Variants in MBNL1 observed in about 807,000 individuals in gnomAD.
MBNL1 encodes muscleblind-like protein 1.
MBNL1 carries 8 observed loss-of-function variants against 42.2 expected under a neutral mutation model. The ratio of observed to expected loss-of-function variants is 0.19; its 90% CI spans 0.11 to 0.34. The LOEUF is 0.34. Among genes scored for constraint, MBNL1 ranks in the 10% least tolerant of loss-of-function variants. MBNL1 has a pLI of 1.00. For synonymous variants in MBNL1, 169 were observed against 173.9 expected (o/e 0.97, Z 0.22); for missense variants, 309 against 495.3 (o/e 0.62, Z 3.57).
At chr3:152,314,982 CCCA>C (rs2069762839) in intron 2 of MBNL1, among the ~76,000 whole-genome samples, 3 of 152,098 alleles carry the variant, frequency 2.0e-5, no homozygotes. Flanking sequence ...TTGATTATTG[CCCA>C]TTCTGTTCTG....
chr3:152,266,521 T>C (rs1201208589), upstream of MBNL1: 1 of 152,238 alleles, frequency 6.6e-6, no homozygotes, highest in African/African-American at 2.4e-5. Flanking sequence ...TAACTTGGAA[T>C]TCTACAAGGG....
chr3:152,440,298 C>T (rs1026586181), intron 4 of MBNL1, among the ~76,000 whole-genome samples: 4 of 152,134 alleles, frequency 2.6e-5, no homozygotes, highest in East Asian at 1.9e-4. Flanking sequence ...TCCATTTTCA[C>T]GCTGCTGATA....
intron 9 of MBNL1, among the ~76,000 whole-genome samples, chr3:152,461,962 A>C (rs899024215): frequency 6.6e-6 from 1 of 152,172 alleles, no homozygotes; most frequent in Admixed American, 6.6e-5. Context: ...AAAAAGAATA[A>C]ATCTTGTTTA....
chr3:152,441,492 C>T (rs141458811), intron 4 of MBNL1, among the ~76,000 whole-genome samples: 50 of 152,270 alleles, frequency 3.3e-4, no homozygotes, highest in African/African-American at 1.2e-3. Flanking sequence ...TTTTTGACTC[C>T]AAACCCTATT....
intron 2 of MBNL1, among the ~76,000 whole-genome samples, chr3:152,390,131 G>A (rs559826033): frequency 6.7e-6 from 1 of 149,362 alleles, no homozygotes; most frequent in Non-Finnish European, 1.5e-5. Flanking sequence ...GCCTCCCAAA[G>A]AACTTTTTTA....
At chr3:152,314,616 C>A (rs917785712) in intron 2 of MBNL1, among the ~76,000 whole-genome samples, 3 of 152,170 alleles carry the variant, frequency 2.0e-5, no homozygotes, top group Non-Finnish European at 4.4e-5. Context: ...CTCAGGCGAT[C>A]CGCCTGTCTC....
intron 2 of MBNL1, among the ~76,000 whole-genome samples, chr3:152,321,944 A>T (rs2076695706): frequency 6.6e-6 from 1 of 152,096 alleles, no homozygotes; most frequent in South Asian, 2.1e-4. Context: ...TGGACATATC[A>T]GTAATCTCCT....
At chr3:152,333,307 T>A (rs1388044879) in intron 2 of MBNL1, among the ~76,000 whole-genome samples, 1 of 152,238 alleles carries the variant, frequency 6.6e-6, no homozygotes, top group Admixed American at 6.5e-5. Context: ...ATAAAATGTT[T>A]GTTAATTTCT....
chr3:152,407,616 G>A (rs1275257827), intron 2 of MBNL1, among the ~76,000 whole-genome samples: 1 of 151,966 alleles, frequency 6.6e-6, no homozygotes, highest in African/African-American at 2.4e-5. Flanking sequence ...AGACAATTAT[G>A]TAATAAAAAA....
At chr3:152,365,794 GA>G (rs2153201199) in intron 2 of MBNL1, among the ~76,000 whole-genome samples, 1 of 152,160 alleles carries the variant, frequency 6.6e-6, no homozygotes, top group South Asian at 2.1e-4. Context: ...GTTTTTTCCA[GA>G]AATTCCAAGA....
At chr3:152,335,162 G>T in intron 2 of MBNL1, 1 of 1,289,642 alleles carries the variant, frequency 7.8e-7, no homozygotes, top group African/African-American at 1.5e-5. Context: ...CCTTTTCATG[G>T]CACCATGGCA....
At chr3:152,337,755 T>G (rs1278287446) in intron 2 of MBNL1, among the ~76,000 whole-genome samples, 1 of 152,192 alleles carries the variant, frequency 6.6e-6, no homozygotes, top group Non-Finnish European at 1.5e-5. Context: ...ATCTACTTGC[T>G]TCTTCTTTGT....
intron 2 of MBNL1, among the ~76,000 whole-genome samples, chr3:152,344,339 C>T (rs1291921683): frequency 3.9e-5 from 6 of 152,038 alleles, no homozygotes; most frequent in African/African-American, 7.2e-5. Flanking sequence ...ATCAGGATGC[C>T]GTGTGTACTA....
intron 1 of MBNL1, among the ~76,000 whole-genome samples, chr3:152,282,347 T>C (rs1017884691): frequency 2.6e-5 from 4 of 151,752 alleles, no homozygotes; most frequent in African/African-American, 9.7e-5. Flanking sequence ...TAGGGACATG[T>C]GTGTGTGTGT....
intron 8 of MBNL1, 81 bp downstream of exon 8, chr3:152,456,442 C>A: frequency 8.8e-7 from 1 of 1,135,046 alleles, no homozygotes; most frequent in Non-Finnish European, 1.3e-6. Flanking sequence ...CGTGGATTTC[C>A]CATTGAGGTC....
chr3:152,424,878 A>C (rs575903225), intron 3 of MBNL1, among the ~76,000 whole-genome samples: 1 of 152,298 alleles, frequency 6.6e-6, no homozygotes, highest in East Asian at 1.9e-4. Context: ...TATGCAGAAA[A>C]CTGAAACTGG....
Position 152,330,423 on chromosome 3 carries a change from C to T in MBNL1, c.174+30056C>T, listed in dbSNP as rs1469757849. Among the ~76,000 whole-genome samples the T allele has an allele frequency of 2.0e-5, 3 of 152,084 alleles. No individual in the cohort carries two copies. The East Asian group carries it at 5.8e-4, about 29-fold the overall frequency. On this transcript the variant is annotated intron_variant, in intron 2 of 9. Transcript: ENST00000324210. Reference sequence around the variant, plus strand: ...CACCTCTGGGGTTATATTAGCATGACACCAGGACAAAAATCTGCCCATTTT... The same window carrying T: ...CACCTCTGGGGTTATATTAGCATGATACCAGGACAAAAATCTGCCCATTTT...
intron 4 of MBNL1, among the ~76,000 whole-genome samples, chr3:152,442,387 C>G (rs950325178): frequency 5.3e-5 from 8 of 152,072 alleles, no homozygotes; most frequent in African/African-American, 1.9e-4. Context: ...CAAATAATAG[C>G]TATACTATAA....
intron 4 of MBNL1, among the ~76,000 whole-genome samples, chr3:152,437,370 G>A (rs902429582): frequency 1.1e-4 from 16 of 152,142 alleles, no homozygotes; most frequent in African/African-American, 3.9e-4. Context: ...ACAGCACCCA[G>A]TGTGATACTA....
Sources: gnomAD v4.1 joint callset for allele counts (sites outside exome capture counted in the v4.1 genomes callset) on GRCh38, gnomAD v4.1.1 for gene constraint, MANE v1.5 for transcripts, NCBI Gene and HGNC (gene_info 2026-07-23, HGNC 2026-07-21) for gene names.